The following HNRNPUL2 variants were observed in gnomAD, a reference collection of about 807,000 sequenced individuals.
HNRNPUL2 encodes the protein heterogeneous nuclear ribonucleoprotein U like 2.
Under a neutral mutation model 102.2 loss-of-function variants are expected in HNRNPUL2, and 27 were observed. That is an observed-to-expected ratio of 0.26 (90% CI 0.19 to 0.36). The LOEUF is 0.36. Ranked by LOEUF, HNRNPUL2 falls within the 10% of genes least tolerant of loss-of-function variation. The pLI, the probability that HNRNPUL2 is intolerant of heterozygous loss-of-function variation, is 1.00. For synonymous variants in HNRNPUL2, 458 were observed against 387.2 expected (o/e 1.18, Z -2.15); for missense variants, 936 against 981.1 (o/e 0.95, Z 0.61).
chr11:62,727,363 T>C lies in HNRNPUL2; in HGVS notation c.-207A>G, dbSNP rs2083766403. 1.8e-6 allele frequency: 1 copy of C among 564,470 alleles called. No homozygotes were observed. Among genetic ancestry groups the C allele is most frequent in the Non-Finnish European group, 2.5e-6 (1 of 393,630 alleles). 35.0% of individuals were successfully genotyped at this position (564,470 alleles called of 1,614,324 possible). A position where few individuals can be genotyped will look rare whatever the true frequency, so the allele number is the denominator to read the frequency against. On this transcript the variant is annotated 5_prime_UTR_variant, in exon 1 of 14. Transcript: ENST00000301785. Reference sequence around the variant, plus strand: ...CTTCTCCTTCGTCTCCCCTCCCCCTTTCGGCTCACGGAGCCCAAAACAACG... The same window carrying C: ...CTTCTCCTTCGTCTCCCCTCCCCCTCTCGGCTCACGGAGCCCAAAACAACG...
chr11:62,721,860 T>C lies in HNRNPUL2; in HGVS notation c.1442A>G (p.Tyr481Cys), dbSNP rs777524353. ...KYAKENPEKR[Y>C]NVLGAETVLN... Reference sequence around the variant, plus strand: ...CACAGTCTCAGCTCCCAGGACATTGTATCTTTTCTCAGGGTTTTCTTTTGC... The same window carrying C: ...CACAGTCTCAGCTCCCAGGACATTGCATCTTTTCTCAGGGTTTTCTTTTGC... The change falls in exon 8 of 14, where the codon TAC becomes TGC. Residue 481 changes from tyrosine to cysteine, a missense_variant. Physicochemically the swap from Tyr to Cys is radical, Grantham distance 194. Around this residue, in one of 2 missense-constraint regions of HNRNPUL2, gnomAD observed 609 missense variants for 713.0 expected, o/e 0.85. Transcript: ENST00000301785. 1 of 1,614,226 alleles carries C rather than the reference T, an allele frequency of 6.2e-7. No homozygotes were observed. Among genetic ancestry groups the C allele is most frequent in the South Asian group, 1.1e-5 (1 of 91,088 alleles).
rs1026657517 is a variant in HNRNPUL2, at chr11:62,726,824, C to G, written c.333G>C (p.Pro111=). 2 of 1,591,470 alleles carry G rather than the reference C, an allele frequency of 1.3e-6. 1 individual carries two copies. The highest frequency in any genetic ancestry group is 1.7e-6 in the Non-Finnish European group (2 of 1,175,748). ...CCATGGCTGCCGCCTCCGGGGGCTC[C>G]GGCGGCGGCTGCGCGGCCTGACCCA... ...QALGQAAQPP[P]EPPEAAAMEA... Residue 111 remains proline, a synonymous_variant, in exon 1 of 14, where the codon CCG becomes CCC. Transcript: ENST00000301785.
In HNRNPUL2 at chr11:62,727,437, C is replaced by G. The variant is rs1425592831; in HGVS notation, c.-281G>C. On this transcript the variant is annotated 5_prime_UTR_variant, in exon 1 of 14. Coordinates refer to ENST00000301785, the MANE Select transcript of HNRNPUL2 (RefSeq NM_001079559.3). The stretch of plus-strand genomic sequence containing the variant: ...AGGCCCTTGGTTCCCCAGCCGCGGG[C>G]AGGCGCGCGCGGAGGACGACGGAGT... 1 of 303,276 alleles carries G rather than the reference C, an allele frequency of 3.3e-6. No individual in the cohort carries two copies. Among genetic ancestry groups the G allele is most frequent in the Non-Finnish European group, 5.8e-6 (1 of 171,092 alleles). 18.8% of individuals were successfully genotyped at this position (303,276 alleles called of 1,614,324 possible).
chr11:62,716,562 C>G (rs984060348), intron 11 of HNRNPUL2, among the ~76,000 whole-genome samples: 4 of 152,180 alleles, frequency 2.6e-5, no homozygotes, highest in East Asian at 1.9e-4. Flanking sequence ...ACAAAAAACA[C>G]TGAATAAAGC....
Position 62,722,331 on chromosome 11 carries a change from T to C in HNRNPUL2, c.1145A>G (p.Asp382Gly). The change falls in exon 7 of 14, where the codon GAC (aspartate) becomes GGC (glycine). Residue 382 changes from aspartate (D) to glycine (G), a missense_variant. Transcript: ENST00000301785. ...GCTGATCCAGAATGCCACACCTAGG[T>C]CTTCTCCATTCTTGGAGAAGGAAAG... ...VELSFSKNGE[D>G]LGVAFWISKD... 6.2e-7 allele frequency: 1 copy of C among 1,613,706 alleles called. No homozygotes were observed. Among genetic ancestry groups the C allele is most frequent in the Non-Finnish European group, 8.5e-7 (1 of 1,179,600 alleles).
intron 13 of HNRNPUL2, 25 bp downstream of exon 13, chr11:62,715,475 G>A (rs372677904): frequency 1.3e-6 from 2 of 1,587,570 alleles, no homozygotes; most frequent in Non-Finnish European, 1.7e-6. Flanking sequence ...CCTTCACCCT[G>A]TGTCTATCCC....
intron 9 of HNRNPUL2, among the ~76,000 whole-genome samples, chr11:62,720,458 C>T (rs2083692662): frequency 6.7e-6 from 1 of 149,930 alleles, no homozygotes; most frequent in Non-Finnish European, 1.5e-5. Flanking sequence ...ACGGAAGAAT[C>T]GCTTGAACCC....
At position 62,722,236 on chromosome 11, in the gene HNRNPUL2, A is replaced by G; in HGVS notation, c.1240T>C (p.Phe414Leu). The change falls in exon 7 of 14, where the codon TTC (phenylalanine) becomes CTC (leucine). Residue 414 changes from phenylalanine (F) to leucine (L), a missense_variant. By Grantham distance (22) the Phe-to-Leu change is conservative. Coordinates refer to ENST00000301785, the MANE Select transcript of HNRNPUL2 (RefSeq NM_001079559.3). ...AAGAAGGGCTCCTCCTTCTGACCGA[A>G]GTTTAATTCTACAACACAATTTTTG... ...LCKNCVVELN[F>L]GQKEEPFFPP... 1 of 1,614,218 alleles carries G rather than the reference A, an allele frequency of 6.2e-7. No homozygotes were observed. Among genetic ancestry groups the G allele is most frequent in the African/African-American group, 1.3e-5 (1 of 75,052 alleles).
rs369012573 is a variant in HNRNPUL2 at position 62,726,823 on chromosome 11, C to T, written c.334G>A (p.Glu112Lys). 39 of 1,591,490 alleles carry T rather than the reference C, an allele frequency of 2.5e-5. No individual in the cohort carries two copies. Among genetic ancestry groups the T allele is most frequent in the Non-Finnish European group, 3.0e-5 (35 of 1,175,852 alleles). ...ALGQAAQPPP[E>K]PPEAAAMEAA... ...TCCATGGCTGCCGCCTCCGGGGGCT[C>T]CGGCGGCGGCTGCGCGGCCTGACCC... Residue 112 changes from glutamate (E) to lysine (K), a missense_variant, in exon 1 of 14, where the codon GAG becomes AAG. Physicochemically the swap from Glu to Lys is moderately conservative, Grantham distance 56. Coordinates refer to ENST00000301785, the MANE Select transcript of HNRNPUL2 (RefSeq NM_001079559.3).
intron 1 of HNRNPUL2, among the ~76,000 whole-genome samples, chr11:62,724,943 G>T (rs138659145): frequency 1.8e-4 from 28 of 152,256 alleles, no homozygotes; most frequent in African/African-American, 6.5e-4. Flanking sequence ...TGTGGCAAAT[G>T]GACTCAAGTG....
At chr11:62,718,694 TAAAAAAAAAAA>T (rs11456076) in intron 10 of HNRNPUL2, among the ~76,000 whole-genome samples, 1 of 119,616 alleles carries the variant, frequency 8.4e-6, no homozygotes, top group African/African-American at 3.2e-5. Context: ...ACTCTGTCTT[TAAAAAAAAAAA>T]AAAAAAAAGC....
At chr11:62,720,802 T>C (rs1047538144) in intron 9 of HNRNPUL2, among the ~76,000 whole-genome samples, 2 of 138,250 alleles carry the variant, frequency 1.4e-5, no homozygotes, top group African/African-American at 5.4e-5. Flanking sequence ...AGGCTGAGCT[T>C]GCAGTGAGCC....
intron 12 of HNRNPUL2, 38 bp from the exon 13 acceptor site, chr11:62,715,645 G>T (rs768791541): frequency 6.7e-7 from 1 of 1,491,458 alleles, no homozygotes; most frequent in Non-Finnish European, 9.4e-7. Flanking sequence ...AGGTTTATGG[G>T]TTTTTGGCAG....
chr11:62,726,895 C>T lies in HNRNPUL2; in HGVS notation c.262G>A (p.Ala88Thr). 1.3e-6 allele frequency: 2 copies of T among 1,559,492 alleles called. No homozygotes were observed. The highest frequency in any genetic ancestry group is 1.4e-5 in the African/African-American group (1 of 71,804). ...TCCTCGTCCTCGTCCTCAAGCAGCG[C>T]CTCCTCGTCCTCCTCCTCCTCCTCT... ...DEEEEEEDEE[A>T]LLEDEDEEPP... Residue 88 changes from alanine to threonine, a missense_variant, in exon 1 of 14, where the codon GCG becomes ACG. Ala to Thr is a moderately conservative substitution (Grantham distance 58, BLOSUM62 0). Transcript: ENST00000301785.
rs2083648441 is a variant in HNRNPUL2, at chr11:62,715,065, T to C, written c.*234A>G. 3.9e-6 allele frequency: 2 copies of C among 510,072 alleles called. No homozygotes were observed. Among genetic ancestry groups the C allele is most frequent in the South Asian group, 2.9e-5 (1 of 35,058 alleles). The allele number at this position is 510,072 out of a possible 1,614,324, so 31.6% of individuals were successfully genotyped here. A position where few individuals can be genotyped will look rare whatever the true frequency, so the allele number is the denominator to read the frequency against. ...CTCTAACTAGGTTTGAAATGTTTTA[T>C]AGAATAAGACAATATTCTTTTCAAC... On this transcript the variant is annotated 3_prime_UTR_variant, in exon 14 of 14. Coordinates refer to ENST00000301785, the MANE Select transcript of HNRNPUL2 (RefSeq NM_001079559.3).
rs1334354729 is a variant in HNRNPUL2 at position 62,727,233 on chromosome 11, G to GCCGCCGCCGC, written c.-87_-78dup. ...GACCGAGTCCGACCGCGCAGGCGCCGCCGCCGCCGCCCGCCTCCGCCTCAC... is the reference window on the plus strand; with the variant it reads ...GACCGAGTCCGACCGCGCAGGCGCCGCCGCCGCCGCCCGCCGCCGCCCGCCTCCGCCTCAC... On this transcript the variant is annotated 5_prime_UTR_variant, in exon 1 of 14. Transcript: ENST00000301785. 1.1e-5 allele frequency: 14 copies of GCCGCCGCCGC among 1,288,056 alleles called. No individual in the cohort carries two copies. Among genetic ancestry groups the GCCGCCGCCGC allele is most frequent in the Non-Finnish European group, 1.3e-5 (13 of 1,019,964 alleles). 79.8% of individuals were successfully genotyped at this position (1,288,056 alleles called of 1,614,324 possible). A position where few individuals can be genotyped will look rare whatever the true frequency, so the allele number is the denominator to read the frequency against.
Position 62,727,205 on chromosome 11 carries a change from G to GTCGACCGAGT in HNRNPUL2, c.-59_-50dup. On this transcript the variant is annotated 5_prime_UTR_variant, in exon 1 of 14. Coordinates refer to ENST00000301785, the MANE Select transcript of HNRNPUL2 (RefSeq NM_001079559.3). Reference sequence around the variant, plus strand: ...CCCGCCGCCTCCTCCCCTGCGAACCGTCGACCGAGTCCGACCGCGCAGGCG... The same window carrying GTCGACCGAGT: ...CCCGCCGCCTCCTCCCCTGCGAACCGTCGACCGAGTTCGACCGAGTCCGACCGCGCAGGCG... The GTCGACCGAGT allele has an allele frequency of 7.4e-7, 1 of 1,348,448 alleles. No homozygotes were observed. The allele number at this position is 1,348,448 out of a possible 1,614,324, so 83.5% of individuals were successfully genotyped here. A position where few individuals can be genotyped will look rare whatever the true frequency, so the allele number is the denominator to read the frequency against.
chr11:62,724,502 A>C (rs1239069719), intron 1 of HNRNPUL2, 76 bp from the exon 2 acceptor site: 1 of 1,507,126 alleles, frequency 6.6e-7, no homozygotes, highest in Non-Finnish European at 9.2e-7. Context: ...ATAGACACTA[A>C]CAGGGAATCT....
rs11456076 is a variant in HNRNPUL2, at chr11:62,718,694, TAA to T, written c.1780+1327_1780+1328del. Among the ~76,000 whole-genome samples, 734 of 119,556 alleles carry T rather than the reference TAA, an allele frequency of 6.1e-3. 11 individuals carry two copies. Among genetic ancestry groups the T allele is most frequent in the African/African-American group, 0.021 (663 of 31,266 alleles). The allele number at this position is 119,556 out of a possible 152,430, so 78.4% of individuals were successfully genotyped here. On this transcript the variant is annotated intron_variant, in intron 10 of 13. Transcript: ENST00000301785. ...GGCGACAAGGGCAAGACTCTGTCTT[TAA>T]AAAAAAAAAAAAAAAAAGCAGAATA... is the stretch of plus-strand genomic sequence containing the variant.
Sources: gnomAD v4.1 joint callset for allele counts (sites outside exome capture counted in the v4.1 genomes callset) on GRCh38, gnomAD v4.1.1 for gene constraint, gnomAD v4.1.1 regional missense constraint, MANE v1.5 for transcripts, NCBI Gene and HGNC (gene_info 2026-07-23, HGNC 2026-07-21) for gene names.